DGKI: variants seen among roughly 807,000 people sequenced by gnomAD.
DGKI encodes the protein diacylglycerol kinase iota.
DGKI carries 55 observed loss-of-function variants against 147.5 expected under a neutral mutation model. The ratio of observed to expected loss-of-function variants is 0.37; its 90% CI spans 0.30 to 0.47. The LOEUF (loss-of-function observed/expected upper bound fraction) is 0.47, where lower values mean the gene tolerates loss of function less well. DGKI is among the 20% of genes least tolerant of loss of function. The pLI, the probability that DGKI is intolerant of heterozygous loss-of-function variation, is 1.00. For synonymous variants in DGKI, 469 were observed against 477.1 expected (o/e 0.98, Z 0.22); for missense variants, 1,007 against 1,323.8 (o/e 0.76, Z 3.71).
intron 29 of DGKI, among the ~76,000 whole-genome samples, chr7:137,410,000 A>G (rs1290593237): frequency 6.6e-6 from 1 of 152,196 alleles, no homozygotes; most frequent in Non-Finnish European, 1.5e-5. Flanking sequence ...GAAACAAAAG[A>G]TATTGGAGAA....
chr7:137,711,248 A>AT (rs1404838362), intron 1 of DGKI, among the ~76,000 whole-genome samples: 2 of 152,242 alleles, frequency 1.3e-5, no homozygotes, highest in African/African-American at 4.8e-5. Flanking sequence ...ATACTCCAGG[A>AT]TATGCACCCT....
At chr7:137,590,724 G>C (rs573646826) in intron 12 of DGKI, among the ~76,000 whole-genome samples, 69 of 152,258 alleles carry the variant, frequency 4.5e-4, no homozygotes, top group Non-Finnish European at 9.1e-4. Flanking sequence ...TTGAGACAGA[G>C]TTTCACTCTG....
At chr7:137,551,072 C>T (rs1818029211) in intron 20 of DGKI, among the ~76,000 whole-genome samples, 1 of 152,084 alleles carries the variant, frequency 6.6e-6, no homozygotes, top group Non-Finnish European at 1.5e-5. Flanking sequence ...AGGAGTTTCA[C>T]TAAATGCAAA....
chr7:137,401,642 T>C (rs576841198), intron 30 of DGKI, among the ~76,000 whole-genome samples: 2 of 152,318 alleles, frequency 1.3e-5, no homozygotes, highest in East Asian at 3.9e-4. Context: ...CCATCTCCCC[T>C]AAGGAATTTC....
At chr7:137,742,006 A>G (rs1227188086) in intron 1 of DGKI, among the ~76,000 whole-genome samples, 1 of 152,234 alleles carries the variant, frequency 6.6e-6, no homozygotes, top group African/African-American at 2.4e-5. Context: ...AGTTATGAGT[A>G]CACAGCACGT....
intron 5 of DGKI, among the ~76,000 whole-genome samples, chr7:137,652,653 T>C (rs1822070050): frequency 6.6e-6 from 1 of 151,970 alleles, no homozygotes; most frequent in African/African-American, 2.4e-5. Flanking sequence ...GCTGCCATGC[T>C]GCACAAACAC....
chr7:137,807,478 C>A lies in DGKI; in HGVS notation c.401+38984G>T, dbSNP rs545664717. Among the ~76,000 whole-genome samples the A allele has an allele frequency of 2.0e-5, 3 of 152,348 alleles. No homozygotes were observed. In the East Asian group the frequency reaches 5.8e-4, roughly 29 times the overall value. ...AAGTGCATATGCTTTTAAGTACCCT[C>A]TATTTTGTTCCAGCAGCTCACAGGA... On this transcript the variant is annotated intron_variant, in intron 1 of 32. Coordinates refer to ENST00000614521, the MANE Select transcript of DGKI (RefSeq NM_001321708.2).
At chr7:137,503,149 C>T (rs539646705) in intron 21 of DGKI, among the ~76,000 whole-genome samples, 6 of 152,266 alleles carry the variant, frequency 3.9e-5, no homozygotes, top group African/African-American at 1.2e-4. Flanking sequence ...GACCATGACT[C>T]AAGCTTATCA....
chr7:137,451,728 T>C (rs1429341143), intron 27 of DGKI, among the ~76,000 whole-genome samples: 1 of 152,258 alleles, frequency 6.6e-6, no homozygotes, highest in Non-Finnish European at 1.5e-5. Context: ...GTTTTAGATA[T>C]GTGCATTTTC....
In DGKI at chr7:137,660,231, G is replaced by C. The variant is rs576338628; in HGVS notation, c.607-3691C>G. 2.0e-5 allele frequency among the ~76,000 whole-genome samples: 3 copies of C among 152,084 alleles called. No individual in the cohort carries two copies. In the East Asian group the frequency reaches 5.8e-4, roughly 29 times the overall value. ...GGTGTGTGGTACGGGGTGGGCAGAG[G>C]GGGGAACATATCCGTTTAAACTAAG... On this transcript the variant is annotated intron_variant, in intron 3 of 32. Transcript: ENST00000614521.
chr7:137,678,065 C>T (rs73730098), intron 3 of DGKI, among the ~76,000 whole-genome samples: 6,442 of 152,236 alleles, frequency 0.042, 400 homozygotes, highest in African/African-American at 0.14. Context: ...TTTCTAGAAT[C>T]GTATCCTCCA....
chr7:137,571,748 G>A (rs1254816396), intron 18 of DGKI, among the ~76,000 whole-genome samples: 2 of 152,036 alleles, frequency 1.3e-5, no homozygotes, highest in African/African-American at 4.8e-5. Flanking sequence ...ACAGAGTGAA[G>A]AAGAGATGAA....
intron 1 of DGKI, among the ~76,000 whole-genome samples, chr7:137,691,644 C>T (rs540666353): frequency 6.6e-6 from 1 of 152,164 alleles, no homozygotes; most frequent in East Asian, 1.9e-4. Flanking sequence ...CTGCAAACTC[C>T]CTCCAAAAAA....
intron 24 of DGKI, among the ~76,000 whole-genome samples, chr7:137,468,613 A>G (rs1357928982): frequency 6.6e-6 from 1 of 152,182 alleles, no homozygotes; most frequent in Non-Finnish European, 1.5e-5. Flanking sequence ...CTAGAAAAAT[A>G]TATATATGGC....
At chr7:137,559,871 GTA>G (rs1471971978) in intron 19 of DGKI, among the ~76,000 whole-genome samples, 1 of 152,158 alleles carries the variant, frequency 6.6e-6, no homozygotes, top group East Asian at 1.9e-4. Context: ...TATTCTGGCA[GTA>G]TAGTGACAGA....
chr7:137,453,433 G>A (rs1418383058), intron 27 of DGKI, among the ~76,000 whole-genome samples: 3 of 152,188 alleles, frequency 2.0e-5, no homozygotes, highest in African/African-American at 7.2e-5. Context: ...CCACAGCACT[G>A]CAAATCTCCA....
At chr7:137,708,898 T>G (rs1027835298) in intron 1 of DGKI, among the ~76,000 whole-genome samples, 2 of 152,214 alleles carry the variant, frequency 1.3e-5, no homozygotes, top group Non-Finnish European at 2.9e-5. Flanking sequence ...TGCAATTCAG[T>G]AAGCATATTA....
At chr7:137,752,273 A>G (rs1257058851) in intron 1 of DGKI, among the ~76,000 whole-genome samples, 2 of 152,168 alleles carry the variant, frequency 1.3e-5, no homozygotes, top group Non-Finnish European at 2.9e-5. Context: ...TACAAAAAAA[A>G]AAAGTCAGAT....
chr7:137,462,218 A>AC (rs1814471846), intron 27 of DGKI, among the ~76,000 whole-genome samples: 1 of 152,178 alleles, frequency 6.6e-6, no homozygotes, highest in Non-Finnish European at 1.5e-5. Context: ...CTAATTTTCC[A>AC]ATAAGTCTGC....
Sources: gnomAD v4.1 joint callset for allele counts (sites outside exome capture counted in the v4.1 genomes callset) on GRCh38, gnomAD v4.1.1 for gene constraint, MANE v1.5 for transcripts, NCBI Gene and HGNC (gene_info 2026-07-23, HGNC 2026-07-21) for gene names.